Variants in PHLDB2 observed in about 807,000 individuals in gnomAD.
PHLDB2 encodes pleckstrin homology like domain family B member 2, also known as pleckstrin homology-like domain family B member 2.
A neutral mutation model predicts 123.6 loss-of-function variants in PHLDB2; 71 were observed. The observed-to-expected ratio is 0.57, with a 90% CI of 0.47 to 0.70. The LOEUF (loss-of-function observed/expected upper bound fraction) is 0.70, where lower values mean the gene tolerates loss of function less well. Among genes scored for constraint, PHLDB2 ranks in the 30% least tolerant of loss-of-function variants. The pLI is 0.00. For synonymous variants in PHLDB2, 547 were observed against 541.6 expected (o/e 1.01, Z -0.14); for missense variants, 1,446 against 1,519.5 (o/e 0.95, Z 0.80).
intron 1 of PHLDB2, among the ~76,000 whole-genome samples, chr3:111,873,901 G>T (rs1311355435): frequency 1.3e-5 from 2 of 152,188 alleles, no homozygotes; most frequent in Admixed American, 1.3e-4. Context: ...GGTGGAGACA[G>T]AAAAAGATTT....
At chr3:111,933,858 C>T (rs1458183993) in intron 6 of PHLDB2, among the ~76,000 whole-genome samples, 1 of 152,194 alleles carries the variant, frequency 6.6e-6, no homozygotes, top group Non-Finnish European at 1.5e-5. Context: ...TCCTTATTTA[C>T]AGTCAGCAGC....
At chr3:111,812,154 C>T (rs1200704677) in intron 1 of PHLDB2, among the ~76,000 whole-genome samples, 1 of 152,200 alleles carries the variant, frequency 6.6e-6, no homozygotes, top group Non-Finnish European at 1.5e-5. Flanking sequence ...TTCAGGCAGA[C>T]AGATTTTTGT....
At chr3:111,759,449 T>A (rs2059956916) in intron 1 of PHLDB2, among the ~76,000 whole-genome samples, 1 of 152,230 alleles carries the variant, frequency 6.6e-6, no homozygotes, top group African/African-American at 2.4e-5. Context: ...TAGGTTTCAA[T>A]TTATGAATTT....
chr3:111,751,815 G>C (rs2059781761), intron 1 of PHLDB2, among the ~76,000 whole-genome samples: 1 of 151,962 alleles, frequency 6.6e-6, no homozygotes, highest in Non-Finnish European at 1.5e-5. Context: ...TTGTGCACAT[G>C]TACCCTAAAA....
At chr3:111,956,384 G>A (rs2071065175) in intron 12 of PHLDB2, among the ~76,000 whole-genome samples, 1 of 152,222 alleles carries the variant, frequency 6.6e-6, no homozygotes, top group African/African-American at 2.4e-5. Flanking sequence ...TGAAGTAATG[G>A]GAATCCCATG....
intron 1 of PHLDB2, among the ~76,000 whole-genome samples, chr3:111,801,042 A>G (rs1219146777): frequency 2.6e-5 from 4 of 152,204 alleles, no homozygotes; most frequent in Non-Finnish European, 5.9e-5. Flanking sequence ...TCTCATTTTT[A>G]AAATAGAGAA....
intron 1 of PHLDB2, among the ~76,000 whole-genome samples, chr3:111,827,142 T>C (rs1004578402): frequency 5.9e-5 from 9 of 152,224 alleles, no homozygotes; most frequent in African/African-American, 2.2e-4. Context: ...CTCTTTAGGC[T>C]TGTCCTGTTC....
At chr3:111,889,343 A>G (rs2066346772) in intron 2 of PHLDB2, among the ~76,000 whole-genome samples, 1 of 152,188 alleles carries the variant, frequency 6.6e-6, no homozygotes, top group Non-Finnish European at 1.5e-5. Flanking sequence ...GGAGATCCTG[A>G]CAACATGTGT....
At chr3:111,814,989 G>A (rs796552001) in intron 1 of PHLDB2, among the ~76,000 whole-genome samples, 3 of 152,114 alleles carry the variant, frequency 2.0e-5, no homozygotes, top group Non-Finnish European at 4.4e-5. Flanking sequence ...TGTTTCCTGC[G>A]CTGTTCTTGT....
chr3:111,875,990 G>A (rs2065594986), intron 1 of PHLDB2, among the ~76,000 whole-genome samples: 1 of 151,954 alleles, frequency 6.6e-6, no homozygotes. Context: ...GGTAAGTTAA[G>A]TCACTGGTAA....
rs974585762 is a variant in PHLDB2 at position 111,968,410 on chromosome 3, T to A, written c.3315+586T>A. On this transcript the variant is annotated intron_variant, in intron 15 of 17. Transcript: ENST00000431670. ...AAGCTTGTTGTATTCAAGCAAAGTTTGGAGAAACCACACATTTTATTTAAT... is the reference window on the plus strand; with the variant it reads ...AAGCTTGTTGTATTCAAGCAAAGTTAGGAGAAACCACACATTTTATTTAAT... Among the ~76,000 whole-genome samples, 3 of 152,228 alleles carry A rather than the reference T, an allele frequency of 2.0e-5. 1 individual carries two copies. Among genetic ancestry groups the A allele is most frequent in the African/African-American group, 7.2e-5 (3 of 41,460 alleles).
intron 3 of PHLDB2, chr3:111,915,731 A>C: frequency 6.6e-6 from 1 of 152,266 alleles, no homozygotes; most frequent in East Asian, 1.9e-4. Flanking sequence ...AGCCCTACCC[A>C]TCCCTTCTTT....
intron 1 of PHLDB2, among the ~76,000 whole-genome samples, chr3:111,782,025 C>A (rs1031504005): frequency 1.3e-5 from 2 of 152,030 alleles, no homozygotes; most frequent in Admixed American, 6.6e-5. Flanking sequence ...TCTCTATTTC[C>A]CTCAGGCCAA....
At chr3:111,842,753 CCT>C (rs1023924450) in intron 1 of PHLDB2, among the ~76,000 whole-genome samples, 2 of 152,172 alleles carry the variant, frequency 1.3e-5, no homozygotes, top group Non-Finnish European at 2.9e-5. Context: ...ACTCTCTATT[CCT>C]CTTTCATCTC....
chr3:111,886,025 A>G (rs2066142038), intron 2 of PHLDB2, among the ~76,000 whole-genome samples: 1 of 152,232 alleles, frequency 6.6e-6, no homozygotes, highest in Non-Finnish European at 1.5e-5. Context: ...AAATGAATTT[A>G]TACTTATTGT....
At chr3:111,771,376 G>T (rs1045791174) in intron 1 of PHLDB2, among the ~76,000 whole-genome samples, 7 of 149,846 alleles carry the variant, frequency 4.7e-5, no homozygotes, top group African/African-American at 1.7e-4. Flanking sequence ...TTGAGACAGA[G>T]TCTTGCTCAC....
At chr3:111,839,940 C>CTGTTTTT (rs2063601288) in intron 1 of PHLDB2, among the ~76,000 whole-genome samples, 2 of 64,940 alleles carry the variant, frequency 3.1e-5, no homozygotes, top group Non-Finnish European at 5.1e-5. Flanking sequence ...CCCACCCCCG[C>CTGTTTTT]TTTTTTTTTT....
chr3:111,893,091 A>ACCG lies in PHLDB2; in HGVS notation c.1335+7681_1335+7682insGCC, dbSNP rs1553746090. Among the ~76,000 whole-genome samples the ACCG allele has an allele frequency of 3.3e-3, 297 of 90,170 alleles. 2 individuals are homozygous for ACCG. The East Asian group carries it at 0.1, about 32-fold the overall frequency. 59.2% of individuals were successfully genotyped at this position (90,170 alleles called of 152,430 possible). On this transcript the variant is annotated intron_variant, in intron 2 of 17. Transcript: ENST00000431670. Reference sequence around the variant, plus strand: ...TGTCTCTATTTCCTAGTGAGTCCTGACCACCCCCCCAAAATAAGTTGGGCA... The same window carrying ACCG: ...TGTCTCTATTTCCTAGTGAGTCCTGACCGCCACCCCCCCAAAATAAGTTGGGCA...
chr3:111,919,230 C>T lies in PHLDB2; in HGVS notation c.1863+15C>T, dbSNP rs1291295744. ...CTTTCAGAGAGGTAAACTTTTTACCCTCTTCCCTTTTTTCTTTCTTTCCTT... is the reference window on the plus strand; with the variant it reads ...CTTTCAGAGAGGTAAACTTTTTACCTTCTTCCCTTTTTTCTTTCTTTCCTT... On this transcript the variant is annotated intron_variant, in intron 4 of 17. Coordinates refer to ENST00000431670, the MANE Select transcript of PHLDB2 (RefSeq NM_001134438.2). The T allele has an allele frequency of 6.8e-6, 11 of 1,612,412 alleles. No individual in the cohort carries two copies. The African/African-American group carries it at 1.2e-4, about 18-fold the overall frequency.
Sources: gnomAD v4.1 joint callset for allele counts (sites outside exome capture counted in the v4.1 genomes callset) on GRCh38, gnomAD v4.1.1 for gene constraint, MANE v1.5 for transcripts, NCBI Gene and HGNC (gene_info 2026-07-23, HGNC 2026-07-21) for gene names.